MAP4K4: variants seen among roughly 807,000 people sequenced by gnomAD.
The protein encoded by MAP4K4 is HPK/GCK-like kinase HGK.
MAP4K4 carries 38 observed loss-of-function variants against 189.6 expected under a neutral mutation model. The ratio of observed to expected loss-of-function variants is 0.20; its 90% CI spans 0.15 to 0.26. MAP4K4 has a LOEUF of 0.26. Ranked by LOEUF, MAP4K4 falls within the 10% of genes least tolerant of loss-of-function variation. MAP4K4 has a pLI of 1.00. For missense variants in MAP4K4, 1,054 were observed against 1,726.9 expected, an observed-to-expected ratio of 0.61 and a Z score of 6.91; for synonymous variants, 610 against 624.3, an observed-to-expected ratio of 0.98 and a Z score of 0.34.
At position 101,882,394 on chromosome 2, in the gene MAP4K4, C is replaced by T. The variant is rs143666200; in HGVS notation, c.3386-157C>T. On this transcript the variant is annotated intron_variant, in intron 27 of 32. Coordinates refer to ENST00000324219, the Ensembl canonical transcript of MAP4K4. ...ATATTCTGGATTATGACTCCCTTGT[C>T]AGCTGTTTCTGTGGTACACATCTCC... 7.1e-4 allele frequency among the ~76,000 whole-genome samples: 108 copies of T among 152,268 alleles called. 3 individuals are homozygous for T. The East Asian group carries it at 0.02, about 29-fold the overall frequency.
chr2:101,736,512 C>A (rs1159623927), intron 2 of MAP4K4, among the ~76,000 whole-genome samples: 1 of 152,188 alleles, frequency 6.6e-6, no homozygotes, highest in Non-Finnish European at 1.5e-5. Flanking sequence ...TTTGTGCCAT[C>A]TTTGGTTAGT....
intron 2 of MAP4K4, among the ~76,000 whole-genome samples, chr2:101,725,552 C>G (rs2054836725): frequency 6.6e-6 from 1 of 152,194 alleles, no homozygotes; most frequent in Non-Finnish European, 1.5e-5. Flanking sequence ...AATTACATCC[C>G]TTGCATAATC....
chr2:101,875,957 A>G (rs2098191474), intron 26 of MAP4K4, among the ~76,000 whole-genome samples: 1 of 152,208 alleles, frequency 6.6e-6, no homozygotes, highest in African/African-American at 2.4e-5. Context: ...ATCATGAGAA[A>G]GTGGAGAGAA....
Position 101,885,180 on chromosome 2 carries a change from T to C in MAP4K4, c.3521-7T>C. The C allele has an allele frequency of 4.5e-6, 7 of 1,555,336 alleles. No homozygotes were observed. The highest frequency in any genetic ancestry group is 2.3e-5 in the East Asian group (1 of 44,162). The stretch of plus-strand genomic sequence containing the variant: ...CTTCTCTTGCTTTTTTATTTGCTGC[T>C]TTTCAGTAAAATATGAAAGAATCAA... On this transcript the variant is annotated splice_region_variant and splice_polypyrimidine_tract_variant and intron_variant, in intron 28 of 32. Transcript: ENST00000324219.
chr2:101,710,285 G>T lies in MAP4K4; in HGVS notation c.123+11747G>T, dbSNP rs139776317. ...CTAGGGCCATTCCAGTTTGAACTTG[G>T]CATATTAGAGCATCTTAGTTCTCTA... is the stretch of plus-strand genomic sequence containing the variant. On this transcript the variant is annotated intron_variant, in intron 2 of 32. Transcript: ENST00000324219. 3.9e-3 allele frequency among the ~76,000 whole-genome samples: 597 copies of T among 152,288 alleles called. 2 individuals carry two copies. Among genetic ancestry groups the T allele is most frequent in the Non-Finnish European group, 6.8e-3 (463 of 68,030 alleles).
At chr2:101,889,458 C>T (rs1325888327) in intron 32 of MAP4K4, among the ~76,000 whole-genome samples, 2 of 152,138 alleles carry the variant, frequency 1.3e-5, no homozygotes, top group Non-Finnish European at 2.9e-5. Flanking sequence ...CATGGCATGA[C>T]ACCCCCTTTG....
intron 3 of MAP4K4, among the ~76,000 whole-genome samples, chr2:101,791,971 C>CA (rs1233733444): frequency 1.3e-5 from 2 of 152,156 alleles, no homozygotes; most frequent in African/African-American, 4.8e-5. Flanking sequence ...CTGATGTAGA[C>CA]TATTCTGTTG....
intron 12 of MAP4K4, among the ~76,000 whole-genome samples, chr2:101,852,908 C>T (rs942009380): frequency 2.6e-5 from 4 of 152,180 alleles, no homozygotes; most frequent in Admixed American, 2.0e-4. Context: ...AATGTAAATA[C>T]TAATCAGTGT....
chr2:101,769,213 A>G (rs1010910720), intron 2 of MAP4K4, among the ~76,000 whole-genome samples: 4 of 152,088 alleles, frequency 2.6e-5, no homozygotes, highest in African/African-American at 9.7e-5. Context: ...TTGTGGTCTC[A>G]TTTGTTCTTG....
intron 26 of MAP4K4, among the ~76,000 whole-genome samples, chr2:101,876,688 A>G (rs1231523891): frequency 6.6e-6 from 1 of 152,264 alleles, no homozygotes; most frequent in East Asian, 1.9e-4. Context: ...AATAATCAGC[A>G]TATAACATTC....
intron 2 of MAP4K4, among the ~76,000 whole-genome samples, chr2:101,756,294 C>G (rs1334414465): frequency 1.3e-5 from 2 of 152,104 alleles, no homozygotes; most frequent in African/African-American, 2.4e-5. Context: ...GCTGTCAGAC[C>G]CTCCTGCAAA....
Position 101,713,776 on chromosome 2 carries a change from C to T in MAP4K4, c.123+15238C>T, listed in dbSNP as rs540371657. Among the ~76,000 whole-genome samples, 3 of 151,788 alleles carry T rather than the reference C, an allele frequency of 2.0e-5. No homozygotes were observed. The East Asian group carries it at 5.8e-4, about 29-fold the overall frequency. ...TGGGCATGGTGGGTGTGCCTGTAAT[C>T]CCAGCTACTTGGGAGGCTGAGGCAG... On this transcript the variant is annotated intron_variant, in intron 2 of 32. Transcript: ENST00000324219.
At position 101,866,598 on chromosome 2, in the gene MAP4K4, C is replaced by T. The variant is rs766955316; in HGVS notation, c.2356+19C>T. On this transcript the variant is annotated intron_variant, in intron 19 of 32. Transcript: ENST00000324219. ...GTGAGATGTAAGCTGCCTTTCCTTT[C>T]CTTTTTCCCTGCTAATGTTTTGAGC... The T allele has an allele frequency of 5.4e-5, 87 of 1,604,642 alleles. No individual in the cohort carries two copies. Among genetic ancestry groups the T allele is most frequent in the Non-Finnish European group, 6.9e-5 (81 of 1,172,546 alleles).
At chr2:101,745,763 A>G (rs1323179623) in intron 2 of MAP4K4, among the ~76,000 whole-genome samples, 6 of 152,158 alleles carry the variant, frequency 3.9e-5, no homozygotes, top group Non-Finnish European at 8.8e-5. Context: ...GTGCATTACT[A>G]AATTATTTCT....
chr2:101,888,833 G>A lies in MAP4K4; in HGVS notation c.3969G>A (p.Glu1323=), dbSNP rs776543309. The A allele has an allele frequency of 1.9e-6, 3 of 1,613,302 alleles. No homozygotes were observed. The African/African-American group carries it at 4.0e-5, about 22-fold the overall frequency. ...CCAATCAGACAATGGGCTGGGGAGA[G>A]AAGGCCATAGAGATCCGATCTGTGG... The change falls in exon 32 of 33, where the codon GAG becomes GAA. Residue 1323 remains glutamate (E), a synonymous_variant. Coordinates refer to ENST00000324219, the Ensembl canonical transcript of MAP4K4.
chr2:101,760,139 T>A (rs1217136431), intron 2 of MAP4K4, among the ~76,000 whole-genome samples: 1 of 152,086 alleles, frequency 6.6e-6, no homozygotes, highest in Non-Finnish European at 1.5e-5. Context: ...AGCCACTGTG[T>A]CAGCCAGCTT....
exon 33 of MAP4K4, chr2:101,893,274 T>C (rs967647266): frequency 2.2e-6 from 1 of 456,192 alleles, no homozygotes; most frequent in African/African-American, 2.0e-5. Context: ...GCTGAGAAGC[T>C]TACTTTTTGG....
At chr2:101,842,787 A>G in intron 11 of MAP4K4, 106 bp downstream of exon 11, 1 of 722,184 alleles carries the variant, frequency 1.4e-6, no homozygotes, top group South Asian at 2.4e-5. Flanking sequence ...ATCTTAAATT[A>G]CTTAGACAGC....
intron 27 of MAP4K4, 53 bp downstream of exon 27, chr2:101,877,199 T>C: frequency 6.4e-7 from 1 of 1,557,516 alleles, no homozygotes. Context: ...AACAATATTG[T>C]AGCTTTACAC....
Sources: allele counts gnomAD v4.1 joint callset (sites outside exome capture counted in the v4.1 genomes callset), GRCh38; gene constraint gnomAD v4.1.1; transcripts MANE v1.5; gene names NCBI Gene and HGNC (gene_info 2026-07-23, HGNC 2026-07-21).